Variants in MADD observed in about 807,000 individuals in gnomAD.
The protein encoded by MADD is MAP kinase activating death domain, also known as MAP kinase-activating death domain protein.
A neutral mutation model predicts 176.7 loss-of-function variants in MADD; 109 were observed. The ratio of observed to expected loss-of-function variants is 0.62; its 90% CI spans 0.53 to 0.72. The LOEUF (loss-of-function observed/expected upper bound fraction) is 0.72, where lower values mean the gene tolerates loss of function less well. Ranked by LOEUF, MADD falls within the 30% of genes least tolerant of loss-of-function variation. The pLI is 0.00. For missense variants in MADD, 1,914 were observed against 2,045.5 expected (o/e 0.94, Z 1.24); for synonymous variants, 771 against 771.3 (o/e 1.00, Z 0.01).
At chr11:47,293,848 T>C (rs772491997) in intron 19 of MADD, 35 bp from the exon 22 acceptor site, 32 of 1,408,312 alleles carry the variant, frequency 2.3e-5, no homozygotes, top group Non-Finnish European at 1.3e-5. Context: ...CCCTAGCCTT[T>C]GTGCACGGAG....
intron 27 of MADD, among the ~76,000 whole-genome samples, chr11:47,322,498 G>C (rs1343836910): frequency 1.3e-5 from 2 of 152,128 alleles, no homozygotes; most frequent in Non-Finnish European, 2.9e-5. Flanking sequence ...TGTAGTCCCA[G>C]CTACTCGAGA....
chr11:47,286,614 A>C (rs979747201), intron 15 of MADD, 80 bp downstream of exon 15: 40 of 1,020,028 alleles, frequency 3.9e-5, no homozygotes, highest in Non-Finnish European at 6.1e-5. Flanking sequence ...GGAGCCCTGC[A>C]TCTGCTGAAT....
rs1269126101 is a variant in MADD at position 47,276,570 on chromosome 11, G to A, written c.964-162G>A. 4.0e-6 allele frequency: 3 copies of A among 750,080 alleles called. No individual in the cohort carries two copies. The South Asian group carries it at 5.1e-5, about 13-fold the overall frequency. The allele number at this position is 750,080 out of a possible 1,614,324, so 46.5% of individuals were successfully genotyped here. On this transcript the variant is annotated intron_variant, in intron 4 of 32. Transcript: ENST00000402192. ...TGACTGAGGATCACCATTGTGCCTG[G>A]ATTGGGAGGTGGCAGGCATGGTGGG...
At chr11:47,283,409 G>A (rs2058445259) in intron 10 of MADD, among the ~76,000 whole-genome samples, 1 of 151,640 alleles carries the variant, frequency 6.6e-6, no homozygotes. Context: ...ATTTATTTTT[G>A]TATGTATGTG....
chr11:47,282,638 TCCG>T, intron 9 of MADD, 22 bp downstream of exon 9: 2 of 1,611,544 alleles, frequency 1.2e-6, no homozygotes, highest in Non-Finnish European at 1.7e-6. Context: ...TGCCCTCTGC[TCCG>T]CTCTGCCTTG....
intron 22 of MADD, among the ~76,000 whole-genome samples, chr11:47,307,999 C>G (rs2084435910): frequency 6.6e-6 from 1 of 152,198 alleles, no homozygotes; most frequent in Admixed American, 6.6e-5. Flanking sequence ...AAAATCTACT[C>G]AGAAGTAGCA....
chr11:47,319,480 G>A (rs754825826), intron 27 of MADD, among the ~76,000 whole-genome samples: 9 of 151,972 alleles, frequency 5.9e-5, no homozygotes, highest in Non-Finnish European at 1.2e-4. Context: ...AGTTACAGAA[G>A]TAAAACAGTA....
In MADD at chr11:47,324,888, T is replaced by G. The variant is rs570414665; in HGVS notation, c.4542+311T>G. The G allele has an allele frequency of 8.2e-5, 50 of 606,406 alleles. No individual in the cohort carries two copies. In the African/African-American group the frequency reaches 9.3e-4, roughly 11 times the overall value. The allele number at this position is 606,406 out of a possible 1,614,324, so 37.6% of individuals were successfully genotyped here. On this transcript the variant is annotated intron_variant, in intron 30 of 32. Transcript: ENST00000402192. ...GGAGCGTCTCACTTGGCCCTTCCCC[T>G]GCAGTGTCTCTGCCTTCCTCTATTC... is the stretch of plus-strand genomic sequence containing the variant.
At chr11:47,271,585 T>TCAG (rs1963795566) in intron 1 of MADD, among the ~76,000 whole-genome samples, 1 of 152,210 alleles carries the variant, frequency 6.6e-6, no homozygotes, top group Admixed American at 6.5e-5. Flanking sequence ...GCTTCAGGCC[T>TCAG]GATCTTTGAG....
upstream of MADD, chr11:47,269,665 C>T (rs897011079): frequency 2.6e-5 from 4 of 151,886 alleles, no homozygotes; most frequent in African/African-American, 2.4e-5. Context: ...CCGCGCGCCC[C>T]CCTCTGCCCC....
chr11:47,303,534 G>A (rs936317045), intron 22 of MADD, among the ~76,000 whole-genome samples: 4 of 151,478 alleles, frequency 2.6e-5, no homozygotes, highest in African/African-American at 7.3e-5. Context: ...CACTGCACCC[G>A]GCCTTCTCTG....
chr11:47,283,172 C>G (rs948834963), intron 10 of MADD, among the ~76,000 whole-genome samples: 13 of 152,208 alleles, frequency 8.5e-5, no homozygotes, highest in African/African-American at 2.9e-4. Flanking sequence ...CGGCTCACTG[C>G]CAGCTCCGCC....
At chr11:47,273,370 ACT>A (rs1157434547) in intron 1 of MADD, among the ~76,000 whole-genome samples, 6 of 150,932 alleles carry the variant, frequency 4.0e-5, no homozygotes, top group Non-Finnish European at 8.8e-5. Context: ...ACGGAGTCTC[ACT>A]CTGTCACCCA....
intron 26 of MADD, among the ~76,000 whole-genome samples, chr11:47,313,921 G>A (rs559618201): frequency 4.2e-4 from 64 of 151,922 alleles, no homozygotes; most frequent in Middle Eastern, 6.8e-3. Context: ...CACAACGCCC[G>A]GCTAATTTTT....
intron 22 of MADD, among the ~76,000 whole-genome samples, chr11:47,304,483 A>G (rs2080923833): frequency 6.6e-6 from 1 of 151,512 alleles, no homozygotes; most frequent in African/African-American, 2.4e-5. Flanking sequence ...CACCCACCTC[A>G]CCTCCCAAAG....
At chr11:47,322,599 G>A (rs532597545) in intron 27 of MADD, among the ~76,000 whole-genome samples, 1 of 152,110 alleles carries the variant, frequency 6.6e-6, no homozygotes, top group Non-Finnish European at 1.5e-5. Context: ...GCGACAGAGC[G>A]AGATCCGTCT....
intron 23 of MADD, 109 bp downstream of exon 25, chr11:47,308,808 A>G: frequency 4.8e-6 from 5 of 1,047,760 alleles, no homozygotes; most frequent in Non-Finnish European, 7.3e-6. Flanking sequence ...TCTTAATGCT[A>G]ACATTAGATA....
exon 6 of MADD, chr11:47,278,256 T>A: frequency 6.2e-7 from 1 of 1,613,790 alleles, no homozygotes; most frequent in Non-Finnish European, 8.5e-7. Context: ...GATGTATGGC[T>A]AGTGGATCTG....
exon 33 of MADD, chr11:47,329,226 C>T: frequency 9.0e-7 from 1 of 1,109,368 alleles, no homozygotes; most frequent in Non-Finnish European, 1.4e-6. Context: ...CACGATGCTG[C>T]TGTGACTGAG....
Sources: allele counts gnomAD v4.1 joint callset (sites outside exome capture counted in the v4.1 genomes callset), GRCh38; gene constraint gnomAD v4.1.1; transcripts MANE v1.5; gene names NCBI Gene and HGNC (gene_info 2026-07-23, HGNC 2026-07-21).